PDE4B: variants seen among roughly 807,000 people sequenced by gnomAD.
PDE4B encodes the protein phosphodiesterase 4B, also known as 3',5'-cyclic-AMP phosphodiesterase 4B.
PDE4B carries 20 observed loss-of-function variants against 82.2 expected under a neutral mutation model. The ratio of observed to expected loss-of-function variants is 0.24; its 90% CI spans 0.17 to 0.35. The LOEUF (loss-of-function observed/expected upper bound fraction) is 0.35, where lower values mean the gene tolerates loss of function less well. Ranked by LOEUF, PDE4B falls within the 10% of genes least tolerant of loss-of-function variation. The pLI is 1.00. For missense variants in PDE4B, 655 were observed against 907.2 expected (o/e 0.72, Z 3.57); for synonymous variants, 320 against 318.9 (o/e 1.00, Z -0.04).
chr1:66,234,401 G>T (rs893124499), intron 3 of PDE4B, among the ~76,000 whole-genome samples: 1 of 152,076 alleles, frequency 6.6e-6, no homozygotes, highest in Non-Finnish European at 1.5e-5. Flanking sequence ...TGATTCTCCC[G>T]CTTCAGCCTC....
chr1:66,068,240 A>T (rs1557538108), intron 3 of PDE4B, among the ~76,000 whole-genome samples: 1 of 151,970 alleles, frequency 6.6e-6, no homozygotes, highest in Non-Finnish European at 1.5e-5. Flanking sequence ...CAGAGCAGAA[A>T]TACAACTCAA....
intron 3 of PDE4B, among the ~76,000 whole-genome samples, chr1:66,245,513 G>A (rs911731307): frequency 2.0e-5 from 3 of 152,114 alleles, no homozygotes; most frequent in Non-Finnish European, 2.9e-5. Flanking sequence ...GCTCAACTAC[G>A]ATAGATCTCA....
chr1:65,877,586 G>T (rs1453831970), intron 1 of PDE4B, among the ~76,000 whole-genome samples: 1 of 151,758 alleles, frequency 6.6e-6, no homozygotes, highest in Non-Finnish European at 1.5e-5. Flanking sequence ...CTGTACCCCA[G>T]CCTGGGCGAT....
intron 3 of PDE4B, among the ~76,000 whole-genome samples, chr1:66,107,530 A>C (rs541290013): frequency 8.6e-5 from 13 of 151,998 alleles, no homozygotes; most frequent in Admixed American, 3.9e-4. Flanking sequence ...CAAAAAAAAA[A>C]ACCTGCCTTC....
At chr1:65,917,128 A>G (rs1470215185) in intron 2 of PDE4B, among the ~76,000 whole-genome samples, 1 of 152,198 alleles carries the variant, frequency 6.6e-6, no homozygotes, top group Non-Finnish European at 1.5e-5. Flanking sequence ...AAAAGATACC[A>G]TTCCTCTTTT....
At chr1:65,984,268 T>C (rs1650839929) in intron 3 of PDE4B, among the ~76,000 whole-genome samples, 1 of 152,194 alleles carries the variant, frequency 6.6e-6, no homozygotes, top group Non-Finnish European at 1.5e-5. Context: ...TATGATATGA[T>C]TGAAAAGACA....
chr1:66,349,630 C>A (rs567314218), intron 8 of PDE4B, among the ~76,000 whole-genome samples: 12 of 152,276 alleles, frequency 7.9e-5, no homozygotes, highest in African/African-American at 2.9e-4. Context: ...ATTGCACTTG[C>A]TTTTCAAATA....
intron 7 of PDE4B, among the ~76,000 whole-genome samples, chr1:66,297,316 C>G (rs1657582953): frequency 6.6e-6 from 1 of 152,124 alleles, no homozygotes; most frequent in South Asian, 2.1e-4. Context: ...TCACTTGGGT[C>G]TTTCCCATGT....
At chr1:66,194,744 G>C (rs997147737) in intron 3 of PDE4B, among the ~76,000 whole-genome samples, 2 of 152,058 alleles carry the variant, frequency 1.3e-5, no homozygotes, top group African/African-American at 4.8e-5. Context: ...CTTGAGGACA[G>C]GGTCATTCTT....
intron 3 of PDE4B, among the ~76,000 whole-genome samples, chr1:66,169,371 G>A (rs1031336491): frequency 1.3e-5 from 2 of 152,210 alleles, no homozygotes; most frequent in Non-Finnish European, 2.9e-5. Flanking sequence ...AGTCAGGGGA[G>A]TTGGCACCAA....
At chr1:65,893,021 T>A (rs1413901244) in intron 1 of PDE4B, among the ~76,000 whole-genome samples, 1 of 152,038 alleles carries the variant, frequency 6.6e-6, no homozygotes, top group East Asian at 1.9e-4. Flanking sequence ...TAATTTTTTA[T>A]TGTACCCCCT....
At chr1:65,895,573 A>G (rs1489721770) in intron 1 of PDE4B, among the ~76,000 whole-genome samples, 1 of 145,482 alleles carries the variant, frequency 6.9e-6, no homozygotes, top group African/African-American at 2.5e-5. Flanking sequence ...AAAAAAAAAG[A>G]CACTTCAACC....
intron 7 of PDE4B, among the ~76,000 whole-genome samples, chr1:66,301,040 T>C (rs1394567669): frequency 6.6e-6 from 1 of 152,156 alleles, no homozygotes; most frequent in African/African-American, 2.4e-5. Context: ...TGTGTGTGTG[T>C]TTACACATAT....
chr1:66,263,684 A>G (rs182176532), intron 6 of PDE4B, among the ~76,000 whole-genome samples: 57 of 152,312 alleles, frequency 3.7e-4, no homozygotes, highest in South Asian at 1.2e-3. Flanking sequence ...CCCTAAAGGT[A>G]CAAATAAAGC....
At chr1:65,839,744 G>A (rs886798351) in intron 1 of PDE4B, among the ~76,000 whole-genome samples, 2 of 152,142 alleles carry the variant, frequency 1.3e-5, no homozygotes, top group African/African-American at 4.8e-5. Flanking sequence ...GTGTGCATGT[G>A]TCTTTATAGT....
chr1:65,958,748 A>ACACG (rs1553125446), intron 3 of PDE4B, among the ~76,000 whole-genome samples: 25 of 135,976 alleles, frequency 1.8e-4, no homozygotes, highest in East Asian at 1.2e-3. Flanking sequence ...ACACACACAC[A>ACACG]CGCGCGCGCG....
chr1:66,264,371 G>A (rs1654889132), intron 6 of PDE4B, among the ~76,000 whole-genome samples: 1 of 152,150 alleles, frequency 6.6e-6, no homozygotes, highest in African/African-American at 2.4e-5. Context: ...ATGCACTTTG[G>A]GTTCAGAAAG....
intron 3 of PDE4B, among the ~76,000 whole-genome samples, chr1:66,129,659 C>CAAAAAAAAAAAAAAAAAA (rs59846345): frequency 2.1e-5 from 2 of 94,782 alleles, no homozygotes; most frequent in African/African-American, 9.3e-5. Flanking sequence ...GACTCCGTCT[C>CAAAAAAAAAAAAAAAAAA]AAAAAAAAAA....
At position 65,825,337 on chromosome 1, in the gene PDE4B, A is replaced by G. The variant is rs1646001780; in HGVS notation, c.-71+32089A>G. Among the ~76,000 whole-genome samples, 3 of 152,206 alleles carry G rather than the reference A, an allele frequency of 2.0e-5. No homozygotes were observed. The South Asian group carries it at 6.2e-4, about 31-fold the overall frequency. On this transcript the variant is annotated intron_variant, in intron 1 of 16. Transcript: ENST00000341517. The stretch of plus-strand genomic sequence containing the variant: ...CTAAAACAATGAGGTGGTGGAACAC[A>G]AGGATGGAAAGAGACTGGTTCATGA...
Sources: allele counts gnomAD v4.1 joint callset (sites outside exome capture counted in the v4.1 genomes callset), GRCh38; gene constraint gnomAD v4.1.1; transcripts MANE v1.5; gene names NCBI Gene and HGNC (gene_info 2026-07-23, HGNC 2026-07-21).